The following NRG4 variants were observed in gnomAD, a reference collection of about 807,000 sequenced individuals.
NRG4 encodes neuregulin 4.
Under a neutral mutation model 15.0 loss-of-function variants are expected in NRG4, and 10 were observed. The ratio of observed to expected loss-of-function variants is 0.67; its 90% CI spans 0.41 to 1.13. The LOEUF is 1.13. Ranked by LOEUF, NRG4 falls within the 50% of genes most tolerant of loss-of-function variation. The pLI is 0.00. For synonymous variants in NRG4, 41 were observed against 50.1 expected, an observed-to-expected ratio of 0.82 and a Z score of 0.77; for missense variants, 139 against 140.2, an observed-to-expected ratio of 0.99 and a Z score of 0.04.
At position 75,941,972 on chromosome 15, in the gene NRG4, C is replaced by CTTT. The variant is rs773623772; in HGVS notation, c.*1663_*1665dup. On this transcript the variant is annotated 3_prime_UTR_variant, in exon 6 of 6. Transcript: ENST00000394907. ...AAAAAAAAAAAAAAATATGGCCTAG[C>CTTT]TTTTTTTTTTTTTTTTAAAAAGGGC... 7.4e-5 allele frequency: 8 copies of CTTT among 107,556 alleles called. 1 individual carries two copies. Among genetic ancestry groups the CTTT allele is most frequent in the African/African-American group, 2.7e-4 (8 of 29,160 alleles). 6.7% of individuals were successfully genotyped at this position (107,556 alleles called of 1,614,324 possible).
chr15:75,945,439 C>G (rs549676479), intron 5 of NRG4, among the ~76,000 whole-genome samples: 1 of 152,070 alleles, frequency 6.6e-6, no homozygotes, highest in South Asian at 2.1e-4. Flanking sequence ...TTAGTAGAGA[C>G]AGGGTTTCAC....
chr15:76,039,728 A>C (rs529455104), intron 4 of NRG4, among the ~76,000 whole-genome samples: 3 of 152,292 alleles, frequency 2.0e-5, no homozygotes, highest in Non-Finnish European at 4.4e-5. Flanking sequence ...AAACCTAGAA[A>C]AAGATATTAA....
chr15:75,947,347 G>T (rs1282966888), intron 5 of NRG4, among the ~76,000 whole-genome samples: 1 of 152,136 alleles, frequency 6.6e-6, no homozygotes, highest in African/African-American at 2.4e-5. Flanking sequence ...ACCTCCTCAT[G>T]AGTAATAATC....
At chr15:76,058,594 A>G (rs1474175878) in intron 1 of NRG4, among the ~76,000 whole-genome samples, 2 of 152,310 alleles carry the variant, frequency 1.3e-5, no homozygotes, top group African/African-American at 2.4e-5. Context: ...AAGACAAAGG[A>G]CATTCCTGGG....
At chr15:75,943,742 C>A in intron 5 of NRG4, 88 bp from the exon 6 acceptor site, 4 of 850,500 alleles carry the variant, frequency 4.7e-6, no homozygotes, top group Non-Finnish European at 7.8e-6. Context: ...TTATCTTCTT[C>A]ACATATATAA....
intron 5 of NRG4, chr15:75,951,079 C>T (rs1258304111): frequency 2.0e-5 from 3 of 153,368 alleles, no homozygotes; most frequent in African/African-American, 7.3e-5. Context: ...TGAGGATAGT[C>T]TGGACAGTTT....
chr15:75,968,386 G>C (rs567542708), intron 3 of NRG4, among the ~76,000 whole-genome samples: 12 of 152,040 alleles, frequency 7.9e-5, no homozygotes, highest in Admixed American at 7.2e-4. Context: ...TCAGGAGTTC[G>C]AGACCATCCT....
rs1458290944 is a variant in NRG4 at position 75,958,907 on chromosome 15, C to G, written c.252-2896G>C. 3 of 185,586 alleles carry G rather than the reference C, an allele frequency of 1.6e-5. No individual in the cohort carries two copies. In the Admixed American group the frequency reaches 1.8e-4, roughly 11 times the overall value. 11.5% of individuals were successfully genotyped at this position (185,586 alleles called of 1,614,324 possible). ...GGGGTACAATATACTATGCCCTTCA[C>G]AAACTCAATGGGTTGGCAAAGGAAT... On this transcript the variant is annotated intron_variant, in intron 4 of 5. Transcript: ENST00000394907.
chr15:76,034,258 C>A (rs2141945305), intron 5 of NRG4, among the ~76,000 whole-genome samples: 1 of 152,284 alleles, frequency 6.6e-6, no homozygotes, highest in South Asian at 2.1e-4. Flanking sequence ...ACAGAGTAAC[C>A]CCATTAAAAT....
At chr15:76,041,755 A>C (rs1265011056) in intron 4 of NRG4, among the ~76,000 whole-genome samples, 3 of 152,168 alleles carry the variant, frequency 2.0e-5, no homozygotes, top group Admixed American at 2.0e-4. Flanking sequence ...CCCCACTTTA[A>C]GCGTTGGACA....
intron 5 of NRG4, among the ~76,000 whole-genome samples, chr15:76,033,340 G>C (rs2035521664): frequency 6.6e-6 from 1 of 152,156 alleles, no homozygotes; most frequent in Admixed American, 6.5e-5. Flanking sequence ...AAGATACCTG[G>C]AGGCCAGGAG....
At chr15:75,986,200 G>T (rs1176413367) in intron 3 of NRG4, among the ~76,000 whole-genome samples, 2 of 152,040 alleles carry the variant, frequency 1.3e-5, no homozygotes, top group Non-Finnish European at 2.9e-5. Context: ...CCAAAGTTAG[G>T]CAACATACTC....
chr15:75,972,002 C>T (rs1265698367), intron 3 of NRG4, among the ~76,000 whole-genome samples: 3 of 152,148 alleles, frequency 2.0e-5, no homozygotes, highest in African/African-American at 4.8e-5. Context: ...AAAAGCATTC[C>T]TATTTCTCCA....
At chr15:75,952,265 A>G (rs2031946566) in intron 5 of NRG4, among the ~76,000 whole-genome samples, 1 of 152,170 alleles carries the variant, frequency 6.6e-6, no homozygotes, top group African/African-American at 2.4e-5. Flanking sequence ...AATCCTAGGC[A>G]AACATTAATC....
Position 75,965,289 on chromosome 15 carries a change from T to C in NRG4, c.105-3315A>G, listed in dbSNP as rs938685748. ...GACCATAAATGTTTTAACTGGACAA[T>C]AAATACTTTGAGTTGGAAGGAGTCA... is the stretch of plus-strand genomic sequence containing the variant. On this transcript the variant is annotated intron_variant, in intron 3 of 5. Transcript: ENST00000394907. Among the ~76,000 whole-genome samples, 8 of 152,210 alleles carry C rather than the reference T, an allele frequency of 5.3e-5. No individual in the cohort carries two copies. In the East Asian group the frequency reaches 1.4e-3, roughly 26 times the overall value.
At chr15:75,940,005 C>A (rs1400979209), downstream of NRG4, 1 of 151,868 alleles carries the variant, frequency 6.6e-6, no homozygotes, top group African/African-American at 2.4e-5. Flanking sequence ...ACTAGGAGTT[C>A]TAGCCTGAGC....
At chr15:76,005,654 C>T (rs1401461862) in intron 3 of NRG4, 4 of 313,402 alleles carry the variant, frequency 1.3e-5, no homozygotes, top group East Asian at 1.6e-4. Context: ...CCCTACTGTA[C>T]TCCAGCCAGT....
intron 5 of NRG4, among the ~76,000 whole-genome samples, chr15:76,022,269 G>C (rs1230270488): frequency 6.6e-6 from 1 of 152,090 alleles, no homozygotes; most frequent in Non-Finnish European, 1.5e-5. Context: ...AAAAAAAAGA[G>C]GACAGTCTCT....
intron 3 of NRG4, among the ~76,000 whole-genome samples, chr15:76,002,911 T>C (rs1374839561): frequency 1.3e-5 from 2 of 152,160 alleles, no homozygotes; most frequent in East Asian, 1.9e-4. Context: ...CAGTAAGTGA[T>C]AGAATAATGG....
Sources: allele counts gnomAD v4.1 joint callset (sites outside exome capture counted in the v4.1 genomes callset), GRCh38; gene constraint gnomAD v4.1.1; transcripts MANE v1.5; gene names NCBI Gene and HGNC (gene_info 2026-07-23, HGNC 2026-07-21).